Variants in CTNNA3 observed in about 807,000 individuals in gnomAD.
CTNNA3 encodes the protein catenin alpha 3.
CTNNA3 carries 76 observed loss-of-function variants against 95.7 expected under a neutral mutation model. The ratio of observed to expected loss-of-function variants is 0.79; its 90% CI spans 0.66 to 0.96. The LOEUF (loss-of-function observed/expected upper bound fraction) is 0.96, where lower values mean the gene tolerates loss of function less well. Among genes scored for constraint, CTNNA3 ranks in the 40% least tolerant of loss-of-function variants. The probability of loss-of-function intolerance (pLI) is 0.00; values close to 1 mark genes in which losing one functional copy is unlikely to be tolerated. For synonymous variants in CTNNA3, 431 were observed against 374.4 expected, an observed-to-expected ratio of 1.15 and a Z score of -1.74; for missense variants, 1,191 against 1,089.8, an observed-to-expected ratio of 1.09 and a Z score of -1.31.
chr10:66,729,177 T>C (rs1000710689), intron 9 of CTNNA3, among the ~76,000 whole-genome samples: 1 of 152,184 alleles, frequency 6.6e-6, no homozygotes, highest in Non-Finnish European at 1.5e-5. Flanking sequence ...AAGACATACA[T>C]GGAGCCAACA....
chr10:66,382,188 C>T (rs1388259987), intron 11 of CTNNA3, among the ~76,000 whole-genome samples: 1 of 152,140 alleles, frequency 6.6e-6, no homozygotes, highest in Non-Finnish European at 1.5e-5. Context: ...CAAGGGAAGC[C>T]ATGACAGACT....
At chr10:67,338,787 A>C (rs1187493651) in intron 5 of CTNNA3, among the ~76,000 whole-genome samples, 1 of 152,212 alleles carries the variant, frequency 6.6e-6, no homozygotes, top group Non-Finnish European at 1.5e-5. Context: ...CATTTCTGCC[A>C]ATCTTGCTGT....
chr10:66,104,292 A>G (rs2081790833), intron 13 of CTNNA3, among the ~76,000 whole-genome samples: 1 of 152,280 alleles, frequency 6.6e-6, no homozygotes, highest in African/African-American at 2.4e-5. Flanking sequence ...TTATACTTTA[A>G]TATATCATCG....
rs550232811 is a variant in CTNNA3, at chr10:67,456,039, C to A, written c.579+65803G>T. ...TACTATCTGTAATTTTTCTGTAAAT[C>A]TAAAACTATTCTAAAATTAAAAGTT... On this transcript the variant is annotated intron_variant, in intron 5 of 17. Coordinates refer to ENST00000433211, the MANE Select transcript of CTNNA3 (RefSeq NM_013266.4). 1.4e-4 allele frequency among the ~76,000 whole-genome samples: 21 copies of A among 152,142 alleles called. 1 individual carries two copies. The highest frequency in any genetic ancestry group is 4.8e-4 in the African/African-American group (20 of 41,522).
chr10:66,431,824 C>G (rs1403186107), intron 11 of CTNNA3, among the ~76,000 whole-genome samples: 1 of 151,566 alleles, frequency 6.6e-6, no homozygotes, highest in African/African-American at 2.4e-5. Context: ...GTGCAGCACA[C>G]CAACATGGCA....
intron 15 of CTNNA3, among the ~76,000 whole-genome samples, chr10:66,016,049 CTAACATG>C (rs1418884033): frequency 6.6e-6 from 1 of 152,094 alleles, no homozygotes; most frequent in Non-Finnish European, 1.5e-5. Flanking sequence ...AAGGTGTGAG[CTAACATG>C]TCTCTCCCTA....
At chr10:66,036,574 C>T (rs1307340946) in intron 15 of CTNNA3, among the ~76,000 whole-genome samples, 1 of 151,868 alleles carries the variant, frequency 6.6e-6, no homozygotes, top group Non-Finnish European at 1.5e-5. Flanking sequence ...TGGGGTTTTG[C>T]CGTATTGGCC....
At chr10:66,964,731 C>T (rs1418924509) in intron 7 of CTNNA3, among the ~76,000 whole-genome samples, 1 of 152,018 alleles carries the variant, frequency 6.6e-6, no homozygotes, top group Non-Finnish European at 1.5e-5. Flanking sequence ...TTTCATGATC[C>T]CTCCCTAAAA....
At chr10:66,168,216 C>A (rs998769470) in intron 13 of CTNNA3, among the ~76,000 whole-genome samples, 3 of 152,260 alleles carry the variant, frequency 2.0e-5, no homozygotes, top group South Asian at 2.1e-4. Flanking sequence ...TATTGTGTCA[C>A]AAATGGAAAC....
At chr10:67,444,907 T>C (rs549030239) in intron 5 of CTNNA3, among the ~76,000 whole-genome samples, 45 of 151,978 alleles carry the variant, frequency 3.0e-4, no homozygotes, top group Admixed American at 2.4e-3. Context: ...CATAATAAAG[T>C]GTCATCCAGC....
intron 17 of CTNNA3, among the ~76,000 whole-genome samples, chr10:65,956,506 CT>C (rs1176310746): frequency 1.3e-5 from 2 of 152,122 alleles, no homozygotes; most frequent in African/African-American, 4.8e-5. Context: ...ATCTTTCCTG[CT>C]TTCTCTTGTG....
chr10:67,386,947 A>C (rs1356165273), intron 5 of CTNNA3, among the ~76,000 whole-genome samples: 1 of 152,194 alleles, frequency 6.6e-6, no homozygotes, highest in African/African-American at 2.4e-5. Context: ...ACAAAAGTTA[A>C]GTATTTGTTA....
intron 13 of CTNNA3, among the ~76,000 whole-genome samples, chr10:66,233,204 GA>G (rs2132016488): frequency 7.1e-6 from 1 of 141,592 alleles, no homozygotes; most frequent in Non-Finnish European, 1.5e-5. Flanking sequence ...TCAGGTGTAT[GA>G]TACATTTAAA....
intron 5 of CTNNA3, among the ~76,000 whole-genome samples, chr10:67,409,831 G>T (rs1033172848): frequency 6.6e-6 from 1 of 152,126 alleles, no homozygotes; most frequent in Non-Finnish European, 1.5e-5. Flanking sequence ...AGTCAGAATG[G>T]CTACTGTTAA....
intron 5 of CTNNA3, among the ~76,000 whole-genome samples, chr10:67,506,482 T>C (rs1363545702): frequency 6.6e-6 from 1 of 152,194 alleles, no homozygotes; most frequent in Non-Finnish European, 1.5e-5. Flanking sequence ...TCATTACATA[T>C]TAAATTAGCC....
chr10:66,007,915 T>C (rs907587099), intron 15 of CTNNA3, among the ~76,000 whole-genome samples: 7 of 151,434 alleles, frequency 4.6e-5, no homozygotes, highest in African/African-American at 1.7e-4. Context: ...GCCCCAGCAG[T>C]GTGCCTTAAG....
chr10:67,759,179 C>T (rs781727564), intron 1 of CTNNA3, among the ~76,000 whole-genome samples: 19 of 152,166 alleles, frequency 1.2e-4, no homozygotes, highest in Middle Eastern at 3.2e-3. Context: ...TCACTTTTCA[C>T]GATACCTTTA....
chr10:66,792,071 C>T (rs1840993863), intron 7 of CTNNA3, among the ~76,000 whole-genome samples: 1 of 152,124 alleles, frequency 6.6e-6, no homozygotes, highest in Non-Finnish European at 1.5e-5. Flanking sequence ...AATATTTCAT[C>T]ATTTGCATGA....
intron 7 of CTNNA3, among the ~76,000 whole-genome samples, chr10:66,967,448 A>C: frequency 6.6e-6 from 1 of 152,036 alleles, no homozygotes; most frequent in Admixed American, 6.5e-5. Context: ...CATATGAATT[A>C]CAATTAATTA....
Sources: allele counts gnomAD v4.1 joint callset (sites outside exome capture counted in the v4.1 genomes callset), GRCh38; gene constraint gnomAD v4.1.1; transcripts MANE v1.5; gene names NCBI Gene and HGNC (gene_info 2026-07-23, HGNC 2026-07-21).